Variants in SSPN observed in about 807,000 individuals in gnomAD.
SSPN encodes K-ras oncogene-associated protein.
In SSPN, 15 loss-of-function variants were observed where a neutral mutation model predicts 19.1. That is an observed-to-expected ratio of 0.78 (90% CI 0.52 to 1.21). The LOEUF is 1.21. Among genes scored for constraint, SSPN ranks in the 50% most tolerant of loss-of-function variants. The pLI is 0.00. For missense variants in SSPN, 291 were observed against 314.0 expected (o/e 0.93, Z 0.55); for synonymous variants, 147 against 140.3 (o/e 1.05, Z -0.34).
chr12:26,124,477 TA>T, intron 1 of SSPN: 1 of 1,579,994 alleles, frequency 6.3e-7, no homozygotes, highest in Non-Finnish European at 8.7e-7. Context: ...TCTAATTAAC[TA>T]CCCATGCAGG....
rs552263608 is a variant in SSPN, at chr12:26,201,535, A to G, written c.279+5584A>G. ...TTTTCGCCTCTACTTACAGCCTTCT[A>G]CTAAGCCTGATGTGCAAAGGCCAAG... is the stretch of plus-strand genomic sequence containing the variant. On this transcript the variant is annotated intron_variant, in intron 1 of 2. Transcript: ENST00000242729. Among the ~76,000 whole-genome samples, 5 of 152,054 alleles carry G rather than the reference A, an allele frequency of 3.3e-5. No homozygotes were observed. The South Asian group carries it at 6.2e-4, about 19-fold the overall frequency.
In SSPN at chr12:26,129,427, G is replaced by A. The variant is rs895161539; in HGVS notation, c.-31+7275G>A. On this transcript the variant is annotated intron_variant, in intron 1 of 2. Coordinates refer to the SSPN transcript ENST00000538142. ...TTGGCATGCACACCTACTCTCAAGGGAGAAGAGTTAATGTTGTCAGGCACA... is the reference window on the plus strand; with the variant it reads ...TTGGCATGCACACCTACTCTCAAGGAAGAAGAGTTAATGTTGTCAGGCACA... Among the ~76,000 whole-genome samples, 7 of 152,278 alleles carry A rather than the reference G, an allele frequency of 4.6e-5. No individual in the cohort carries two copies. In the East Asian group the frequency reaches 1.3e-3, roughly 29 times the overall value.
intron 1 of SSPN, among the ~76,000 whole-genome samples, chr12:26,210,042 A>G (rs927259515): frequency 6.6e-6 from 1 of 151,980 alleles, no homozygotes; most frequent in Admixed American, 6.6e-5. Flanking sequence ...TCCTTAACTT[A>G]CTTATTATGA....
chr12:26,124,719 C>T (rs202148573), intron 1 of SSPN: 4 of 1,614,060 alleles, frequency 2.5e-6, no homozygotes, highest in Non-Finnish European at 3.4e-6. Context: ...GCACCTTACC[C>T]TATAAAATCT....
chr12:26,149,285 ACCTTGTATTTGTATACATCTACAATT>A (rs1424048831), intron 1 of SSPN, among the ~76,000 whole-genome samples: 1 of 152,142 alleles, frequency 6.6e-6, no homozygotes, highest in Non-Finnish European at 1.5e-5. Context: ...GTATACATCT[ACCTTGTATTTGTATACATCTACAATT>A]CCTTGTATTT....
intron 1 of SSPN, among the ~76,000 whole-genome samples, chr12:26,212,567 C>T (rs576534104): frequency 6.6e-6 from 1 of 152,150 alleles, no homozygotes; most frequent in East Asian, 1.9e-4. Flanking sequence ...ACCCAAACCC[C>T]TCGTGGGCAG....
At chr12:26,186,756 G>A (rs180856780) in intron 1 of SSPN, among the ~76,000 whole-genome samples, 82 of 152,282 alleles carry the variant, frequency 5.4e-4, no homozygotes, top group African/African-American at 1.8e-3. Flanking sequence ...AATATTTACT[G>A]GCTTGGTTAT....
chr12:26,125,305 G>T, intron 1 of SSPN: 1 of 223,120 alleles, frequency 4.5e-6, no homozygotes, highest in Admixed American at 5.3e-5. Flanking sequence ...GGGTGCAGGG[G>T]TGCGGGGCAG....
At chr12:26,154,554 G>T (rs1591852513) in intron 1 of SSPN, among the ~76,000 whole-genome samples, 1 of 152,264 alleles carries the variant, frequency 6.6e-6, no homozygotes, top group East Asian at 1.9e-4. Context: ...GACAAATGTG[G>T]CTTCAGGTTC....
intron 1 of SSPN, among the ~76,000 whole-genome samples, chr12:26,170,232 C>T (rs965969518): frequency 1.3e-5 from 2 of 152,130 alleles, no homozygotes; most frequent in Admixed American, 1.3e-4. Context: ...TAAGTGTATA[C>T]AATGTGAGTG....
intron 1 of SSPN, among the ~76,000 whole-genome samples, chr12:26,172,993 T>C (rs1270681758): frequency 2.6e-5 from 4 of 152,234 alleles, no homozygotes; most frequent in Non-Finnish European, 1.5e-5. Flanking sequence ...ATTTTTTAAC[T>C]AGCTCTCTTC....
intron 1 of SSPN, among the ~76,000 whole-genome samples, chr12:26,175,557 T>C (rs1475177786): frequency 3.3e-5 from 5 of 152,166 alleles, no homozygotes. Flanking sequence ...TTTTATGTTT[T>C]AAACAATGAT....
chr12:26,206,771 G>C (rs558261097), intron 1 of SSPN, among the ~76,000 whole-genome samples: 1 of 152,168 alleles, frequency 6.6e-6, no homozygotes, highest in Non-Finnish European at 1.5e-5. Flanking sequence ...CATGAGAAAG[G>C]CTGGAACACA....
At chr12:26,181,256 G>A (rs1944717126) in intron 1 of SSPN, 1 of 152,070 alleles carries the variant, frequency 6.6e-6, no homozygotes. Context: ...TCTGAATAAA[G>A]TTACTCAATA....
At chr12:26,205,179 G>A (rs192116082) in intron 1 of SSPN, among the ~76,000 whole-genome samples, 136 of 152,310 alleles carry the variant, frequency 8.9e-4, no homozygotes, top group Non-Finnish European at 1.7e-3. Context: ...CTGGCTGGGA[G>A]TGCCGTGGTA....
intron 1 of SSPN, among the ~76,000 whole-genome samples, chr12:26,220,093 A>G (rs115931420): frequency 6.2e-4 from 95 of 152,224 alleles, no homozygotes; most frequent in African/African-American, 2.3e-3. Flanking sequence ...AGACAAAACC[A>G]TTAGTCTACC....
Position 26,231,937 on chromosome 12 carries a change from G to A in SSPN, c.*861G>A, listed in dbSNP as rs1945238052. 4 of 985,348 alleles carry A rather than the reference G, an allele frequency of 4.1e-6. No individual in the cohort carries two copies. The highest frequency in any genetic ancestry group is 1.7e-5 in the African/African-American group (1 of 57,314). The allele number at this position is 985,348 out of a possible 1,614,324, so 61.0% of individuals were successfully genotyped here. ...ACTGTACTTACGCTGCACTGTCGGT[G>A]TTAAGAGAAATTACTCTCACAAGAG... On this transcript the variant is annotated 3_prime_UTR_variant, in exon 3 of 3. Coordinates refer to ENST00000242729, the MANE Select transcript of SSPN (RefSeq NM_005086.5).
intron 1 of SSPN, among the ~76,000 whole-genome samples, chr12:26,212,899 C>T (rs11048432): frequency 0.09 from 13,608 of 151,260 alleles, 1,250 homozygotes; most frequent in African/African-American, 0.23. Flanking sequence ...TGAGTTTTAA[C>T]GCTGGTCCAC....
upstream of SSPN, among the ~76,000 whole-genome samples, chr12:26,190,893 A>G (rs1235280199): frequency 6.6e-6 from 1 of 152,244 alleles, no homozygotes; most frequent in Non-Finnish European, 1.5e-5. Flanking sequence ...TCACCCAGAA[A>G]GTCACCTCTT....
Sources: allele counts gnomAD v4.1 joint callset (sites outside exome capture counted in the v4.1 genomes callset), GRCh38; gene constraint gnomAD v4.1.1; transcripts MANE v1.5; gene names NCBI Gene and HGNC (gene_info 2026-07-23, HGNC 2026-07-21).